SNX3: variants seen among roughly 807,000 people sequenced by gnomAD.
SNX3 encodes the protein sorting nexin-3.
SNX3 carries 5 observed loss-of-function variants against 17.7 expected under a neutral mutation model. That is an observed-to-expected ratio of 0.28 (90% CI 0.15 to 0.59). The LOEUF (loss-of-function observed/expected upper bound fraction) is 0.59, where lower values mean the gene tolerates loss of function less well. Ranked by LOEUF, SNX3 falls within the 20% of genes least tolerant of loss-of-function variation. The pLI, the probability that SNX3 is intolerant of heterozygous loss-of-function variation, is 0.88. For synonymous variants in SNX3, 91 were observed against 76.5 expected, an observed-to-expected ratio of 1.19 and a Z score of -0.99; for missense variants, 132 against 206.8, an observed-to-expected ratio of 0.64 and a Z score of 2.22.
intron 1 of SNX3, among the ~76,000 whole-genome samples, chr6:108,249,710 TGAC>T (rs371046437): frequency 4.6e-5 from 7 of 152,166 alleles, no homozygotes; most frequent in South Asian, 4.1e-4. Context: ...ATCAGTGGGA[TGAC>T]AACACAAAGT....
At chr6:108,241,143 CAA>C (rs71274311) in intron 1 of SNX3, among the ~76,000 whole-genome samples, 5,921 of 50,406 alleles carry the variant, frequency 0.12, 102 homozygotes, top group South Asian at 0.25. Flanking sequence ...GACTCCGTCT[CAA>C]AAAAAAAAAA....
In SNX3 at chr6:108,219,936, G is replaced by C. The variant is rs142426976; in HGVS notation, c.258+3014C>G. On this transcript the variant is annotated intron_variant, in intron 2 of 3. Coordinates refer to ENST00000230085, the MANE Select transcript of SNX3 (RefSeq NM_003795.6). ...TGAAAAATTCCTATTGCCTAGAGATGTCTTGGTGATCCTGACTCTGTGCAG... is the reference window on the plus strand; with the variant it reads ...TGAAAAATTCCTATTGCCTAGAGATCTCTTGGTGATCCTGACTCTGTGCAG... Among the ~76,000 whole-genome samples, 14 of 152,224 alleles carry C rather than the reference G, an allele frequency of 9.2e-5. No homozygotes were observed. In the East Asian group the frequency reaches 2.7e-3, roughly 29 times the overall value.
intron 1 of SNX3, among the ~76,000 whole-genome samples, chr6:108,244,143 T>G (rs1466172201): frequency 6.6e-6 from 1 of 152,110 alleles, no homozygotes; most frequent in Admixed American, 6.6e-5. Context: ...CCCTCTCCAG[T>G]TCTCCCCCGC....
intron 1 of SNX3, among the ~76,000 whole-genome samples, chr6:108,242,869 C>A (rs1206357644): frequency 6.6e-6 from 1 of 152,126 alleles, no homozygotes; most frequent in Non-Finnish European, 1.5e-5. Flanking sequence ...TCTAAACTTA[C>A]AGCTCCAAGA....
At chr6:108,217,003 T>A (rs1042994295) in intron 2 of SNX3, among the ~76,000 whole-genome samples, 2 of 152,122 alleles carry the variant, frequency 1.3e-5, no homozygotes, top group South Asian at 4.1e-4. Flanking sequence ...AACAAAGGAA[T>A]GCTAACCATT....
intron 1 of SNX3, among the ~76,000 whole-genome samples, chr6:108,246,169 T>A (rs1775682563): frequency 6.6e-6 from 1 of 152,056 alleles, no homozygotes; most frequent in Non-Finnish European, 1.5e-5. Flanking sequence ...GCTAGCCAGT[T>A]TTCCCAGCAC....
At chr6:108,243,250 C>T (rs1299560158) in intron 1 of SNX3, among the ~76,000 whole-genome samples, 1 of 152,022 alleles carries the variant, frequency 6.6e-6, no homozygotes, top group Non-Finnish European at 1.5e-5. Context: ...AGACTATAGG[C>T]ACAAACCACT....
intron 3 of SNX3, among the ~76,000 whole-genome samples, chr6:108,212,718 CTTTT>C (rs937273717): frequency 6.6e-6 from 1 of 152,082 alleles, no homozygotes; most frequent in Non-Finnish European, 1.5e-5. Flanking sequence ...GGTATATGTT[CTTTT>C]GTTTGGTTCA....
intron 1 of SNX3, among the ~76,000 whole-genome samples, chr6:108,227,921 G>A (rs1410060729): frequency 2.0e-5 from 3 of 151,748 alleles, no homozygotes; most frequent in Non-Finnish European, 2.9e-5. Flanking sequence ...AATGATTGAA[G>A]GGCGGAGAGG....
chr6:108,260,309 C>G (rs1228137842), intron 1 of SNX3, among the ~76,000 whole-genome samples: 1 of 152,198 alleles, frequency 6.6e-6, no homozygotes, highest in African/African-American at 2.4e-5. Context: ...TTTAGCAGCT[C>G]GGGAAGGGCC....
At chr6:108,218,557 AC>A (rs1269452440) in intron 2 of SNX3, among the ~76,000 whole-genome samples, 1 of 152,238 alleles carries the variant, frequency 6.6e-6, no homozygotes, top group African/African-American at 2.4e-5. Flanking sequence ...GCAGACAGAA[AC>A]CTATGCACAA....
At chr6:108,241,328 G>A (rs1005729341) in intron 1 of SNX3, among the ~76,000 whole-genome samples, 3 of 151,948 alleles carry the variant, frequency 2.0e-5, no homozygotes, top group Non-Finnish European at 4.4e-5. Flanking sequence ...TAAACTGCCT[G>A]AACTTTGACT....
chr6:108,221,562 TTG>T (rs1491473497), intron 2 of SNX3, among the ~76,000 whole-genome samples: 10 of 119,486 alleles, frequency 8.4e-5, no homozygotes, highest in African/African-American at 3.7e-4. Flanking sequence ...TTTTTTTTTT[TTG>T]AGACAGGGCC....
At chr6:108,259,527 C>A (rs532141869) in intron 1 of SNX3, among the ~76,000 whole-genome samples, 2 of 152,166 alleles carry the variant, frequency 1.3e-5, no homozygotes, top group African/African-American at 4.8e-5. Context: ...CCACCGCGCC[C>A]GGCCTATGAT....
At chr6:108,246,487 A>ATT (rs1164278475) in intron 1 of SNX3, among the ~76,000 whole-genome samples, 50 of 139,050 alleles carry the variant, frequency 3.6e-4, no homozygotes, top group African/African-American at 1.2e-3. Flanking sequence ...ACCATGCCTA[A>ATT]TTTTTTTTTT....
chr6:108,256,880 T>C (rs558700479), intron 1 of SNX3, among the ~76,000 whole-genome samples: 53 of 152,316 alleles, frequency 3.5e-4, no homozygotes, highest in African/African-American at 1.2e-3. Context: ...ATTAGAACAA[T>C]TTTTAAAAAC....
intron 1 of SNX3, among the ~76,000 whole-genome samples, chr6:108,226,640 G>C (rs1408795690): frequency 2.6e-5 from 4 of 152,138 alleles, no homozygotes; most frequent in South Asian, 4.1e-4. Context: ...ACATCATCTT[G>C]TAATATTCAC....
Position 108,222,989 on chromosome 6 carries a change from G to A in SNX3, c.219C>T (p.Asp73=). The A allele has an allele frequency of 6.2e-7, 1 of 1,609,848 alleles. No homozygotes were observed. The highest frequency in any genetic ancestry group is 8.5e-7 in the Non-Finnish European group (1 of 1,177,604). ...CTAATTCACTTCGCAGCCATTCAAA[G>A]TCACTGTATCTTCTTCTAACAGTAG... ...KESTVRRRYS[D]FEWLRSELER... is the part of the protein sequence containing the mutation. Residue 73 remains aspartate, a synonymous_variant, in exon 2 of 4, where the codon GAC becomes GAT. Transcript: ENST00000230085.
Position 108,247,279 on chromosome 6 carries a change from T to C in SNX3, c.162+13481A>G. The stretch of plus-strand genomic sequence containing the variant: ...TTACAAATTACCCAGTCTCGGGTAG[T>C]AAATTTATAGCAGTGTGAAAATGGA... On this transcript the variant is annotated intron_variant, in intron 1 of 3. Transcript: ENST00000230085. Among the ~76,000 whole-genome samples, 2 of 152,100 alleles carry C rather than the reference T, an allele frequency of 1.3e-5. 1 individual carries two copies. Among genetic ancestry groups the C allele is most frequent in the East Asian group, 3.9e-4 (2 of 5,178 alleles).
Sources: gnomAD v4.1 joint callset for allele counts (sites outside exome capture counted in the v4.1 genomes callset) on GRCh38, gnomAD v4.1.1 for gene constraint, MANE v1.5 for transcripts, NCBI Gene and HGNC (gene_info 2026-07-23, HGNC 2026-07-21) for gene names.